Variants in DOCK8 observed in about 807,000 individuals in gnomAD.
The protein encoded by DOCK8 is dedicator of cytokinesis protein 8.
DOCK8 carries 141 observed loss-of-function variants against 245.6 expected under a neutral mutation model. The observed-to-expected ratio is 0.57, with a 90% CI of 0.50 to 0.66. DOCK8 has a LOEUF of 0.66. DOCK8 is among the 30% of genes least tolerant of loss of function. The pLI, the probability that DOCK8 is intolerant of heterozygous loss-of-function variation, is 0.00. For missense variants in DOCK8, 2,965 were observed against 2,603.4 expected (o/e 1.14, Z -3.02); for synonymous variants, 1,168 against 970.2 (o/e 1.20, Z -3.79).
intron 43 of DOCK8, among the ~76,000 whole-genome samples, chr9:444,363 A>AATAATAATAATAATAATT (rs1202085563): frequency 6.7e-6 from 1 of 150,326 alleles, no homozygotes; most frequent in Non-Finnish European, 1.5e-5. Flanking sequence ...TAATAATAAT[A>AATAATAATAATAATAATT]ATTTGGGAGT....
At chr9:362,409 C>A (rs114966373) in intron 14 of DOCK8, among the ~76,000 whole-genome samples, 330 of 152,328 alleles carry the variant, frequency 2.2e-3, no homozygotes, top group African/African-American at 7.5e-3. Context: ...ATGACATCAT[C>A]CATCACCTTT....
intron 1 of DOCK8, among the ~76,000 whole-genome samples, chr9:224,319 G>A (rs1433782215): frequency 6.6e-6 from 1 of 152,140 alleles, no homozygotes; most frequent in African/African-American, 2.4e-5. Context: ...AAGATAAGCA[G>A]TTGAGTCGAT....
chr9:300,519 G>A (rs1251978167), intron 4 of DOCK8, among the ~76,000 whole-genome samples: 2 of 151,492 alleles, frequency 1.3e-5, no homozygotes, highest in Admixed American at 6.6e-5. Context: ...AAATTAAAAC[G>A]TGAAAATCCA....
chr9:310,712 C>T (rs375008381), intron 5 of DOCK8, among the ~76,000 whole-genome samples: 12 of 152,144 alleles, frequency 7.9e-5, no homozygotes, highest in East Asian at 1.9e-4. Flanking sequence ...CCGCCCACCT[C>T]GGCCTCCCAA....
chr9:378,422 G>A (rs748014782), intron 20 of DOCK8, among the ~76,000 whole-genome samples: 4 of 152,194 alleles, frequency 2.6e-5, no homozygotes, highest in Admixed American at 1.3e-4. Context: ...GAAGTGAGAC[G>A]GCTTTTAGAG....
At chr9:211,984 A>AT (rs1209387816), upstream of DOCK8, among the ~76,000 whole-genome samples, 1 of 152,150 alleles carries the variant, frequency 6.6e-6, no homozygotes, top group Non-Finnish European at 1.5e-5. Context: ...GAGTTTGAAG[A>AT]TGTTAGAGTA....
chr9:378,358 A>G (rs1009906789), intron 20 of DOCK8, among the ~76,000 whole-genome samples: 2 of 152,248 alleles, frequency 1.3e-5, no homozygotes, highest in African/African-American at 4.8e-5. Context: ...GAAGAAAGTC[A>G]GTAGCACAGT....
intron 14 of DOCK8, among the ~76,000 whole-genome samples, chr9:342,798 C>T (rs928296928): frequency 2.6e-5 from 4 of 152,180 alleles, no homozygotes; most frequent in African/African-American, 7.2e-5. Context: ...GTTTAGTATT[C>T]CTTTGTGAAG....
At chr9:379,691 T>A in intron 20 of DOCK8, 80 bp from the exon 21 acceptor site, 1 of 1,508,370 alleles carries the variant, frequency 6.6e-7, no homozygotes, top group Non-Finnish European at 9.2e-7. Context: ...GGACTCATTG[T>A]CACTGTCCTG....
intron 46 of DOCK8, among the ~76,000 whole-genome samples, chr9:453,637 G>C (rs950188927): frequency 1.7e-4 from 26 of 152,200 alleles, no homozygotes; most frequent in African/African-American, 5.8e-4. Context: ...ATGTTGGCCA[G>C]GCTGATCTTG....
At chr9:412,442 A>C (rs905510060) in intron 28 of DOCK8, among the ~76,000 whole-genome samples, 3 of 151,782 alleles carry the variant, frequency 2.0e-5, no homozygotes, top group Non-Finnish European at 2.9e-5. Context: ...AAAAGAAAAG[A>C]AAGCATTTAA....
intron 11 of DOCK8, 34 bp downstream of exon 11, chr9:334,418 C>A (rs772888034): frequency 6.2e-7 from 1 of 1,607,286 alleles, no homozygotes. Context: ...AAAGGGAGGG[C>A]TCCCCAGTGT....
chr9:334,435 C>A, intron 11 of DOCK8, 51 bp downstream of exon 11: 1 of 1,589,132 alleles, frequency 6.3e-7, no homozygotes. Flanking sequence ...GTGTGCGCTG[C>A]CCAGGTCCAC....
At chr9:301,770 C>A (rs1475412485) in intron 4 of DOCK8, among the ~76,000 whole-genome samples, 1 of 151,970 alleles carries the variant, frequency 6.6e-6, no homozygotes, top group African/African-American at 2.4e-5. Context: ...AATAAAATAC[C>A]TAGGAATACA....
At chr9:327,823 A>G (rs2050831387) in intron 8 of DOCK8, among the ~76,000 whole-genome samples, 199 bp from the exon 9 acceptor site, 1 of 152,206 alleles carries the variant, frequency 6.6e-6, no homozygotes, top group Admixed American at 6.5e-5. Flanking sequence ...ACATCTCTCA[A>G]ATGGCTCCAG....
In DOCK8 at chr9:386,353, G is replaced by A. The variant is rs755168605; in HGVS notation, c.2801G>A (p.Arg934Gln). 8.1e-6 allele frequency: 13 copies of A among 1,613,670 alleles called. No individual in the cohort carries two copies. Among genetic ancestry groups the A allele is most frequent in the Admixed American group, 3.3e-5 (2 of 59,990 alleles). ...TAGATCGCCGATCGCAACTGCAGCC[G>A]AATGTCTTACTATTGCTCTGGCAGT... is the stretch of plus-strand genomic sequence containing the variant. ...SSKIADRNCS[R>Q]MSYYCSGSSD... Residue 934 changes from arginine to glutamine, a missense_variant, in exon 23 of 48, where the codon CGA (arginine) becomes CAA (glutamine). Transcript: ENST00000432829.
At chr9:408,028 AC>A (rs2055522448) in intron 28 of DOCK8, among the ~76,000 whole-genome samples, 2 of 152,158 alleles carry the variant, frequency 1.3e-5, no homozygotes, top group African/African-American at 4.8e-5. Flanking sequence ...CCTTCCCAGG[AC>A]CCACTCTCCT....
At chr9:360,384 C>A (rs953717215) in intron 14 of DOCK8, among the ~76,000 whole-genome samples, 1 of 151,722 alleles carries the variant, frequency 6.6e-6, no homozygotes, top group Non-Finnish European at 1.5e-5. Flanking sequence ...TACCCTTCCC[C>A]GAATATCCAT....
chr9:274,030 G>A (rs2048245209), intron 2 of DOCK8, among the ~76,000 whole-genome samples: 1 of 152,140 alleles, frequency 6.6e-6, no homozygotes, highest in African/African-American at 2.4e-5. Context: ...TAATGCCACA[G>A]CCTTAAATTT....
Sources: allele counts gnomAD v4.1 joint callset (sites outside exome capture counted in the v4.1 genomes callset), GRCh38; gene constraint gnomAD v4.1.1; transcripts MANE v1.5; gene names NCBI Gene and HGNC (gene_info 2026-07-23, HGNC 2026-07-21).